PCDHA10: variants seen among roughly 807,000 people sequenced by gnomAD.
PCDHA10 encodes the protein protocadherin alpha-10.
In PCDHA10, 45 loss-of-function variants were observed where a neutral mutation model predicts 61.2. The ratio of observed to expected loss-of-function variants is 0.74; its 90% CI spans 0.58 to 0.94. The LOEUF (loss-of-function observed/expected upper bound fraction) is 0.94, where lower values mean the gene tolerates loss of function less well. PCDHA10 is among the 40% of genes least tolerant of loss of function. PCDHA10 has a pLI of 0.00. For missense variants in PCDHA10, 1,278 were observed against 1,236.2 expected (o/e 1.03, Z -0.51); for synonymous variants, 602 against 548.8 (o/e 1.10, Z -1.35).
intron 1 of PCDHA10, among the ~76,000 whole-genome samples, chr5:140,973,378 A>C (rs1453357452): frequency 6.6e-6 from 1 of 152,238 alleles, no homozygotes; most frequent in Non-Finnish European, 1.5e-5. Context: ...CAATGGTCAG[A>C]ATAGACAAAG....
At position 141,009,772 on chromosome 5, in the gene PCDHA10, C is replaced by G. The variant is rs782009776; in HGVS notation, c.2682C>G (p.Ile894Met). Residue 894 changes from isoleucine (I) to methionine (M), a missense_variant, in exon 4 of 4, where the codon ATC becomes ATG. By Grantham distance (10) the Ile-to-Met change is conservative (BLOSUM62 1). Transcript: ENST00000307360. ...TCATTATCCCAGGATCTCCTGCAAT[C>G]ATCTCCATCCGGCAGGAGCCTACTA... ...DKFIIPGSPA[I>M]ISIRQEPTNS... 4 of 1,614,158 alleles carry G rather than the reference C, an allele frequency of 2.5e-6. No individual in the cohort carries two copies. The East Asian group carries it at 8.9e-5, about 36-fold the overall frequency.
At position 140,929,086 on chromosome 5, in the gene PCDHA10, G is replaced by A. The variant is rs899611580; in HGVS notation, c.2389-49863G>A. 2.5e-6 allele frequency: 4 copies of A among 1,614,158 alleles called. No individual in the cohort carries two copies. The South Asian group carries it at 4.4e-5, about 18-fold the overall frequency. On this transcript the variant is annotated intron_variant, in intron 1 of 3. Coordinates refer to ENST00000307360, the MANE Select transcript of PCDHA10 (RefSeq NM_018901.4). ...GGATCTGAGGTATGGAAGTAAGATG[G>A]TTTCAAATCCTTGCATGACATCAGC... is the stretch of plus-strand genomic sequence containing the variant.
At chr5:140,969,162 C>T in intron 1 of PCDHA10, 1 of 1,614,110 alleles carries the variant, frequency 6.2e-7, no homozygotes, top group Non-Finnish European at 8.5e-7. Flanking sequence ...TGTCTGACAG[C>T]AGGCTCAGGG....
intron 1 of PCDHA10, among the ~76,000 whole-genome samples, chr5:140,886,712 G>A (rs950364984): frequency 1.3e-5 from 2 of 151,798 alleles, no homozygotes; most frequent in Middle Eastern, 3.4e-3. Flanking sequence ...TGTAATCCCA[G>A]CTACTTGGGA....
intron 1 of PCDHA10, among the ~76,000 whole-genome samples, chr5:140,951,817 C>T (rs981107617): frequency 6.6e-6 from 1 of 152,146 alleles, no homozygotes; most frequent in Non-Finnish European, 1.5e-5. Flanking sequence ...CCCTCAAAGT[C>T]TGAACTCATT....
chr5:140,876,847 G>T, intron 1 of PCDHA10: 1 of 1,614,140 alleles, frequency 6.2e-7, no homozygotes, highest in Non-Finnish European at 8.5e-7. Context: ...CGCGCAGCCC[G>T]AGTACACAGT....
chr5:140,986,247 G>A (rs758689038), intron 3 of PCDHA10, among the ~76,000 whole-genome samples: 1 of 152,012 alleles, frequency 6.6e-6, no homozygotes, highest in Non-Finnish European at 1.5e-5. Context: ...GAGCAGACCC[G>A]GACCACAGGC....
At chr5:140,901,941 T>C (rs1350790379) in intron 1 of PCDHA10, among the ~76,000 whole-genome samples, 3 of 152,110 alleles carry the variant, frequency 2.0e-5, no homozygotes, top group African/African-American at 7.2e-5. Flanking sequence ...CTAGGTATAT[T>C]TAGTTTTATT....
chr5:140,934,587 T>C (rs1316719317), intron 1 of PCDHA10, among the ~76,000 whole-genome samples: 1 of 152,176 alleles, frequency 6.6e-6, no homozygotes, highest in Non-Finnish European at 1.5e-5. Flanking sequence ...ATTTCTGTAA[T>C]GGGTCTTCAA....
intron 1 of PCDHA10, among the ~76,000 whole-genome samples, chr5:140,941,439 G>A (rs187782763): frequency 1.3e-5 from 2 of 149,420 alleles, no homozygotes; most frequent in East Asian, 2.0e-4. Context: ...CCTCAGCCTC[G>A]GGAGTAGCTG....
intron 1 of PCDHA10, chr5:140,867,034 G>C (rs1398561687): frequency 6.6e-6 from 1 of 152,106 alleles, no homozygotes; most frequent in Non-Finnish European, 1.5e-5. Context: ...ACTCTTTTAT[G>C]ACTTGGCGTT....
chr5:140,904,335 C>T (rs142753502), intron 1 of PCDHA10, among the ~76,000 whole-genome samples: 2,168 of 152,034 alleles, frequency 0.014, 62 homozygotes, highest in African/African-American at 0.05. Flanking sequence ...TCTCCAGTTC[C>T]ATCCAGGTTG....
At chr5:140,968,776 A>G (rs1346540500) in intron 1 of PCDHA10, 4 of 1,614,082 alleles carry the variant, frequency 2.5e-6, no homozygotes, top group Admixed American at 3.3e-5. Context: ...AGCCATCACT[A>G]TCAGCCTCTG....
chr5:140,985,128 G>C (rs908196925), intron 3 of PCDHA10, among the ~76,000 whole-genome samples: 1 of 152,056 alleles, frequency 6.6e-6, no homozygotes, highest in African/African-American at 2.4e-5. Context: ...TAGTAAAGAC[G>C]GGGTTTCACC....
chr5:140,870,976 C>T (rs2052595345), intron 1 of PCDHA10: 1 of 1,613,480 alleles, frequency 6.2e-7, no homozygotes, highest in Non-Finnish European at 8.5e-7. Context: ...CCGCGTGGGG[C>T]TGTACACGGG....
Position 140,856,650 on chromosome 5 carries a change from G to T in PCDHA10, c.602G>T (p.Arg201Leu). Residue 201 changes from arginine (R) to leucine (L), a missense_variant, in exon 1 of 4, where the codon CGT becomes CTT. By Grantham distance (102) the Arg-to-Leu change is moderately radical. Coordinates refer to ENST00000307360, the MANE Select transcript of PCDHA10 (RefSeq NM_018901.4). ...PVLVLRKLLDREENPQLKLLL... is the reference protein window; with the variant it reads ...PVLVLRKLLDLEENPQLKLLL... ...CTTGTTCTGCGGAAGCTGCTGGATC[G>T]TGAAGAAAATCCTCAGCTAAAGTTG... is the stretch of plus-strand genomic sequence containing the variant. The T allele has an allele frequency of 6.3e-7, 1 of 1,598,142 alleles. No homozygotes were observed. The highest frequency in any genetic ancestry group is 1.7e-5 in the Admixed American group (1 of 59,242).
intron 1 of PCDHA10, chr5:140,877,152 C>A (rs1662783035): frequency 6.2e-7 from 1 of 1,613,688 alleles, no homozygotes; most frequent in Non-Finnish European, 8.5e-7. Context: ...ACGAGAACGA[C>A]AACGCGCCGG....
intron 1 of PCDHA10, among the ~76,000 whole-genome samples, chr5:140,950,542 A>G (rs1332265340): frequency 1.3e-5 from 2 of 152,014 alleles, no homozygotes; most frequent in Non-Finnish European, 2.9e-5. Flanking sequence ...TTGCTCTTGC[A>G]TGGCTGGGGG....
chr5:140,957,328 G>A (rs1312649094), intron 1 of PCDHA10, among the ~76,000 whole-genome samples: 1 of 152,134 alleles, frequency 6.6e-6, no homozygotes, highest in Admixed American at 6.5e-5. Context: ...GCACAGTACA[G>A]TAAGATATTT....
Sources: gnomAD v4.1 joint callset for allele counts (sites outside exome capture counted in the v4.1 genomes callset) on GRCh38, gnomAD v4.1.1 for gene constraint, MANE v1.5 for transcripts, NCBI Gene and HGNC (gene_info 2026-07-23, HGNC 2026-07-21) for gene names.